ADAMTSL1: variants seen among roughly 807,000 people sequenced by gnomAD.
ADAMTSL1 encodes ADAMTS like 1.
A neutral mutation model predicts 201.8 loss-of-function variants in ADAMTSL1; 126 were observed. The ratio of observed to expected loss-of-function variants is 0.62; its 90% CI spans 0.54 to 0.72. The LOEUF is 0.72. Among genes scored for constraint, ADAMTSL1 ranks in the 30% least tolerant of loss-of-function variants. The pLI is 0.00. For synonymous variants in ADAMTSL1, 1,121 were observed against 903.4 expected (o/e 1.24, Z -4.32); for missense variants, 2,679 against 2,277.8 (o/e 1.18, Z -3.59).
chr9:18,624,068 G>A (rs1280551786), intron 5 of ADAMTSL1, among the ~76,000 whole-genome samples: 1 of 152,148 alleles, frequency 6.6e-6, no homozygotes, highest in East Asian at 1.9e-4. Context: ...GTAAAAAGAG[G>A]AGGCAGAAAC....
chr9:18,250,855 G>T (rs374536993), intron 2 of ADAMTSL1, among the ~76,000 whole-genome samples: 1 of 152,092 alleles, frequency 6.6e-6, no homozygotes, highest in Non-Finnish European at 1.5e-5. Context: ...CCACCAGCCC[G>T]TTTGCCACTG....
At chr9:18,546,026 G>A (rs1004193357) in intron 3 of ADAMTSL1, among the ~76,000 whole-genome samples, 1 of 151,990 alleles carries the variant, frequency 6.6e-6, no homozygotes, top group Non-Finnish European at 1.5e-5. Context: ...TATAAGCAAG[G>A]GCCATTATTT....
intron 3 of ADAMTSL1, among the ~76,000 whole-genome samples, chr9:18,570,242 CA>C (rs1312903330): frequency 6.6e-6 from 1 of 150,650 alleles, no homozygotes; most frequent in African/African-American, 2.4e-5. Context: ...AAAAAAAGAC[CA>C]AAAAAACCCA....
chr9:18,150,466 T>C (rs557161225), intron 1 of ADAMTSL1, among the ~76,000 whole-genome samples: 1 of 152,056 alleles, frequency 6.6e-6, no homozygotes, highest in Non-Finnish European at 1.5e-5. Context: ...GAAATTTTAG[T>C]TGGATGATGA....
At chr9:18,734,530 A>G (rs1299332128) in intron 15 of ADAMTSL1, among the ~76,000 whole-genome samples, 1 of 152,204 alleles carries the variant, frequency 6.6e-6, no homozygotes, top group Non-Finnish European at 1.5e-5. Context: ...TGGAGAAACA[A>G]TAAAGTCTAG....
chr9:18,692,142 C>G (rs183771289), intron 13 of ADAMTSL1, among the ~76,000 whole-genome samples: 7 of 152,238 alleles, frequency 4.6e-5, no homozygotes, highest in African/African-American at 1.7e-4. Flanking sequence ...CACTTATAAG[C>G]ACCATACTTT....
chr9:18,800,614 G>C (rs1187706836), intron 20 of ADAMTSL1, among the ~76,000 whole-genome samples: 6 of 152,094 alleles, frequency 3.9e-5, no homozygotes, highest in Non-Finnish European at 7.3e-5. Flanking sequence ...AGTATAGCAG[G>C]AGAATCTCAC....
At chr9:18,508,784 A>C (rs1257162597) in intron 2 of ADAMTSL1, among the ~76,000 whole-genome samples, 2 of 152,214 alleles carry the variant, frequency 1.3e-5, no homozygotes, top group African/African-American at 4.8e-5. Context: ...AATAAAATAC[A>C]TTCTAACATT....
At chr9:18,503,681 C>T (rs1020405381) in intron 1 of ADAMTSL1, among the ~76,000 whole-genome samples, 1 of 152,014 alleles carries the variant, frequency 6.6e-6, no homozygotes, top group Admixed American at 6.6e-5. Context: ...CTGGGTAGAT[C>T]CACAGTTCCT....
chr9:18,795,497 T>G lies in ADAMTSL1; in HGVS notation c.3778T>G (p.Ser1260Ala), dbSNP rs1410578876. 1 of 1,613,610 alleles carries G rather than the reference T, an allele frequency of 6.2e-7. No individual in the cohort carries two copies. Among genetic ancestry groups the G allele is most frequent in the Non-Finnish European group, 8.5e-7 (1 of 1,179,734 alleles). Reference sequence around the variant, plus strand: ...TGCCACCAATGCCTTGGGATACGACTCTGTCTCCATTGCCGTCACATTAGC... The same window carrying G: ...TGCCACCAATGCCTTGGGATACGACGCTGTCTCCATTGCCGTCACATTAGC... ...CNATNALGYD[S>A]VSIAVTLAGK... Residue 1260 changes from serine (S) to alanine (A), a missense_variant, in exon 20 of 29, where the codon TCT becomes GCT. Physicochemically the swap from Ser to Ala is moderately conservative, Grantham distance 99. Transcript: ENST00000380548.
In ADAMTSL1 at chr9:18,558,772, T is replaced by G. The variant is rs191275184; in HGVS notation, c.238-15258T>G. 6.4e-3 allele frequency among the ~76,000 whole-genome samples: 973 copies of G among 152,020 alleles called. 9 individuals are homozygous for G. Among genetic ancestry groups the G allele is most frequent in the East Asian group, 0.05 (257 of 5,178 alleles). On this transcript the variant is annotated intron_variant, in intron 3 of 28. Coordinates refer to ENST00000380548, the MANE Select transcript of ADAMTSL1 (RefSeq NM_001040272.6). Reference sequence around the variant, plus strand: ...TTCTCTAATGACCAGTGATGATGAGTTTTTTTTCGTATGTTTGTTGGCCAC... The same window carrying G: ...TTCTCTAATGACCAGTGATGATGAGGTTTTTTTCGTATGTTTGTTGGCCAC...
At chr9:18,437,583 T>C (rs1245301251) in intron 2 of ADAMTSL1, among the ~76,000 whole-genome samples, 1 of 152,084 alleles carries the variant, frequency 6.6e-6, no homozygotes, top group African/African-American at 2.4e-5. Flanking sequence ...TCTGAATTCT[T>C]TTTGAACTTG....
At chr9:18,068,726 T>C (rs757744684) in intron 1 of ADAMTSL1, among the ~76,000 whole-genome samples, 6 of 152,200 alleles carry the variant, frequency 3.9e-5, no homozygotes, top group Non-Finnish European at 8.8e-5. Context: ...TAACAAGTTT[T>C]CACTGAAAGC....
At chr9:18,256,888 G>A (rs1314150005) in intron 2 of ADAMTSL1, among the ~76,000 whole-genome samples, 1 of 152,140 alleles carries the variant, frequency 6.6e-6, no homozygotes, top group Non-Finnish European at 1.5e-5. Flanking sequence ...AAGTAAAAGA[G>A]TTTTAAACCC....
At chr9:18,649,885 A>C (rs1828099920) in intron 7 of ADAMTSL1, among the ~76,000 whole-genome samples, 2 of 152,220 alleles carry the variant, frequency 1.3e-5, no homozygotes, top group Admixed American at 1.3e-4. Flanking sequence ...TCAGATCTCC[A>C]GCTGCGTGCT....
chr9:18,667,647 G>T (rs1358820723), intron 9 of ADAMTSL1, among the ~76,000 whole-genome samples: 2 of 152,098 alleles, frequency 1.3e-5, no homozygotes, highest in Non-Finnish European at 2.9e-5. Context: ...CTCATGATAA[G>T]CGCTCAATAA....
intron 1 of ADAMTSL1, among the ~76,000 whole-genome samples, chr9:18,478,975 C>G (rs1757128923): frequency 6.6e-6 from 1 of 152,162 alleles, no homozygotes; most frequent in African/African-American, 2.4e-5. Context: ...ATTGGCAGTA[C>G]TGGCTCATGA....
chr9:18,181,255 G>C (rs1157726801), intron 2 of ADAMTSL1, among the ~76,000 whole-genome samples: 1 of 152,150 alleles, frequency 6.6e-6, no homozygotes, highest in East Asian at 1.9e-4. Flanking sequence ...AACACCAAAA[G>C]CAATGGCAAC....
At chr9:18,000,887 T>A (rs1156341297) in intron 1 of ADAMTSL1, among the ~76,000 whole-genome samples, 1 of 152,034 alleles carries the variant, frequency 6.6e-6, no homozygotes, top group Non-Finnish European at 1.5e-5. Flanking sequence ...TAACTTGGCC[T>A]TTGTATCACA....
Sources: allele counts gnomAD v4.1 joint callset (sites outside exome capture counted in the v4.1 genomes callset), GRCh38; gene constraint gnomAD v4.1.1; transcripts MANE v1.5; gene names NCBI Gene and HGNC (gene_info 2026-07-23, HGNC 2026-07-21).